The following RIT2 variants were observed in gnomAD, a reference collection of about 807,000 sequenced individuals.
The protein encoded by RIT2 is Ras like without CAAX 2.
RIT2 carries 24 observed loss-of-function variants against 23.7 expected under a neutral mutation model. That is an observed-to-expected ratio of 1.01 (90% CI 0.73 to 1.43). The LOEUF (loss-of-function observed/expected upper bound fraction) is 1.43. RIT2 is among the 40% of genes most tolerant of loss of function. RIT2 has a pLI of 0.00. For missense variants in RIT2, 236 were observed against 266.9 expected (o/e 0.88, Z 0.81); for synonymous variants, 107 against 91.1 (o/e 1.17, Z -0.99).
At chr18:42,953,021 ATT>A (rs1909890532) in intron 3 of RIT2, among the ~76,000 whole-genome samples, 1 of 150,120 alleles carries the variant, frequency 6.7e-6, no homozygotes, top group South Asian at 2.1e-4. Flanking sequence ...GTTGTTTTTC[ATT>A]GTTATCTTCC....
At chr18:42,967,468 C>G (rs1237894173) in intron 3 of RIT2, among the ~76,000 whole-genome samples, 1 of 150,828 alleles carries the variant, frequency 6.6e-6, no homozygotes, top group Non-Finnish European at 1.5e-5. Context: ...CTCCCGGGTT[C>G]ATGCCATTCT....
chr18:42,820,436 C>T (rs976996447), intron 4 of RIT2, among the ~76,000 whole-genome samples: 6 of 152,120 alleles, frequency 3.9e-5, no homozygotes, highest in Non-Finnish European at 8.8e-5. Context: ...TCTCTGGTCT[C>T]TGCCCCAGCA....
intron 4 of RIT2, among the ~76,000 whole-genome samples, chr18:42,764,696 CAG>C (rs1249399661): frequency 1.3e-5 from 2 of 152,186 alleles, no homozygotes; most frequent in Non-Finnish European, 2.9e-5. Context: ...TTAACTACAG[CAG>C]AGTTTTAATA....
intron 4 of RIT2, among the ~76,000 whole-genome samples, chr18:42,886,148 G>T (rs988470143): frequency 1.3e-5 from 2 of 152,182 alleles, no homozygotes; most frequent in Non-Finnish European, 2.9e-5. Flanking sequence ...ATGATAAGCT[G>T]CTGATTAAAG....
intron 1 of RIT2, among the ~76,000 whole-genome samples, chr18:43,044,571 G>GA (rs1374423204): frequency 1.1e-4 from 17 of 152,330 alleles, no homozygotes; most frequent in African/African-American, 3.6e-4. Context: ...GATGGGAAGG[G>GA]AATCTGAGAT....
chr18:43,066,516 G>T (rs1287061797), intron 1 of RIT2, among the ~76,000 whole-genome samples: 1 of 152,098 alleles, frequency 6.6e-6, no homozygotes, highest in Non-Finnish European at 1.5e-5. Flanking sequence ...CATTAAACTA[G>T]TCTATCAACT....
intron 4 of RIT2, among the ~76,000 whole-genome samples, chr18:42,826,261 G>A (rs1906294613): frequency 6.6e-6 from 1 of 152,062 alleles, no homozygotes; most frequent in Admixed American, 6.5e-5. Flanking sequence ...AGAGAAAGCT[G>A]AAGCAGGTAG....
chr18:42,743,755 A>C, intron 4 of RIT2, 35 bp from the exon 5 acceptor site: 2 of 1,465,854 alleles, frequency 1.4e-6, no homozygotes, highest in Non-Finnish European at 1.9e-6. Context: ...AAAAGACAGA[A>C]AGAGAAAGAC....
At chr18:42,949,422 A>G (rs1383626927) in intron 3 of RIT2, among the ~76,000 whole-genome samples, 2 of 152,122 alleles carry the variant, frequency 1.3e-5, no homozygotes, top group Non-Finnish European at 2.9e-5. Flanking sequence ...AAAATGAGGA[A>G]CATTACATAA....
chr18:43,023,515 G>A (rs765145816), intron 2 of RIT2, among the ~76,000 whole-genome samples: 7 of 151,998 alleles, frequency 4.6e-5, no homozygotes, highest in Non-Finnish European at 7.4e-5. Flanking sequence ...AGAGTATAAA[G>A]CAATTATATC....
chr18:43,039,349 C>CTTTTTTTT (rs1251475840), intron 1 of RIT2, among the ~76,000 whole-genome samples: 1 of 133,268 alleles, frequency 7.5e-6, no homozygotes. Flanking sequence ...TTTTTCTTTT[C>CTTTTTTTT]TTTTTTTTTT....
intron 1 of RIT2, among the ~76,000 whole-genome samples, chr18:43,057,797 A>ATTTTTTTTTTTTT (rs1306990856): frequency 1.2e-5 from 1 of 85,024 alleles, no homozygotes; most frequent in South Asian, 3.8e-4. Context: ...AGTGATGGAC[A>ATTTTTTTTTTTTT]CTTTTTTTTT....
At chr18:42,952,952 T>A (rs1909887850) in intron 3 of RIT2, among the ~76,000 whole-genome samples, 1 of 151,578 alleles carries the variant, frequency 6.6e-6, no homozygotes, top group Admixed American at 6.6e-5. Context: ...AGGTGTTTTT[T>A]TTTTTCACAC....
At chr18:42,979,785 G>A (rs1234885263) in intron 2 of RIT2, among the ~76,000 whole-genome samples, 4 of 152,126 alleles carry the variant, frequency 2.6e-5, no homozygotes, top group East Asian at 3.9e-4. Flanking sequence ...TGGCAATACA[G>A]TCTACACAAC....
At chr18:42,877,998 T>G (rs1907788757) in intron 4 of RIT2, among the ~76,000 whole-genome samples, 1 of 151,754 alleles carries the variant, frequency 6.6e-6, no homozygotes, top group Admixed American at 6.6e-5. Flanking sequence ...ATGTGCAAAT[T>G]TTTCAAATTT....
chr18:42,916,940 ACTAGTGGGGGCTCC>A (rs1908926432), intron 4 of RIT2, among the ~76,000 whole-genome samples: 1 of 152,086 alleles, frequency 6.6e-6, no homozygotes, highest in African/African-American at 2.4e-5. Flanking sequence ...TCTTTACCAA[ACTAGTGGGGGCTCC>A]CTAGCAAGAT....
chr18:42,800,089 G>A (rs1244221596), intron 4 of RIT2, among the ~76,000 whole-genome samples: 2 of 152,062 alleles, frequency 1.3e-5, no homozygotes, highest in Admixed American at 6.5e-5. Flanking sequence ...AATAAACATT[G>A]GTTAATCAAA....
intron 4 of RIT2, among the ~76,000 whole-genome samples, chr18:42,895,487 C>T (rs534866783): frequency 4.6e-4 from 70 of 152,228 alleles, no homozygotes; most frequent in African/African-American, 1.6e-3. Context: ...CCTGTTCTAT[C>T]GATCTCCAAA....
chr18:42,769,275 T>C (rs1369749709), intron 4 of RIT2, among the ~76,000 whole-genome samples: 2 of 152,220 alleles, frequency 1.3e-5, no homozygotes, highest in African/African-American at 2.4e-5. Flanking sequence ...TTCATTTCTG[T>C]GACTTTATTT....
Sources: allele counts gnomAD v4.1 joint callset (sites outside exome capture counted in the v4.1 genomes callset), GRCh38; gene constraint gnomAD v4.1.1; transcripts MANE v1.5; gene names NCBI Gene and HGNC (gene_info 2026-07-23, HGNC 2026-07-21).